Variants in ERICH2 observed in about 807,000 individuals in gnomAD.
ERICH2 encodes glutamate-rich protein 2.
ERICH2 carries 17 observed loss-of-function variants against 17.4 expected under a neutral mutation model. The observed-to-expected ratio is 0.98, with a 90% CI of 0.67 to 1.47. ERICH2 has a LOEUF of 1.47. Among genes scored for constraint, ERICH2 ranks in the 40% most tolerant of loss-of-function variants. The pLI is 0.00. For missense variants in ERICH2, 186 were observed against 183.2 expected, an observed-to-expected ratio of 1.01 and a Z score of -0.09; for synonymous variants, 51 against 61.1, an observed-to-expected ratio of 0.83 and a Z score of 0.77.
intron 2 of ERICH2, among the ~76,000 whole-genome samples, chr2:170,787,979 A>G (rs139823520): frequency 0.013 from 2,036 of 152,356 alleles, 55 homozygotes; most frequent in African/African-American, 0.043. Context: ...CTATTACTCC[A>G]TCAGGGCCGA....
chr2:170,778,570 G>A, the ERICH2 span, among the ~76,000 whole-genome samples: 1 of 152,034 alleles, frequency 6.6e-6, no homozygotes, highest in South Asian at 2.1e-4. Context: ...TAAAGAGAAA[G>A]TAATGTATAG....
intron 1 of ERICH2, among the ~76,000 whole-genome samples, chr2:170,784,361 T>G (rs1701099963): frequency 6.6e-6 from 1 of 152,296 alleles, no homozygotes; most frequent in African/African-American, 2.4e-5. Flanking sequence ...CCAGACCGAC[T>G]CACAGATCTA....
At chr2:170,779,627 A>G (rs1489173380), upstream of ERICH2, among the ~76,000 whole-genome samples, 1 of 152,166 alleles carries the variant, frequency 6.6e-6, no homozygotes, top group East Asian at 1.9e-4. Context: ...GCTTTCAAGC[A>G]TAAAGATTGA....
At chr2:170,792,773 A>G (rs1264875588) in intron 2 of ERICH2, 90 bp from the exon 8 acceptor site, 2 of 800,386 alleles carry the variant, frequency 2.5e-6, no homozygotes, top group Non-Finnish European at 3.9e-6. Context: ...GTTAAAAGCA[A>G]AATAACTAAT....
the ERICH2 span, chr2:170,777,490 CTA>C: frequency 2.6e-6 from 3 of 1,132,462 alleles, no homozygotes; most frequent in South Asian, 9.3e-5. Context: ...AGTAAGAAGA[CTA>C]TTGGAATCTT....
At chr2:170,783,806 T>C (rs1222062564) in exon 1 of ERICH2, 2 of 1,550,308 alleles carry the variant, frequency 1.3e-6, no homozygotes, top group Non-Finnish European at 1.7e-6. Flanking sequence ...ACAGGCTAGG[T>C]GCACACTGGA....
exon 1 of ERICH2, chr2:170,783,820 T>A: frequency 6.4e-7 from 1 of 1,550,434 alleles, no homozygotes; most frequent in Admixed American, 2.0e-5. Context: ...CACTGGACAG[T>A]CAGGGTGGTT....
chr2:170,786,400 C>T (rs1701161309), intron 2 of ERICH2, among the ~76,000 whole-genome samples: 1 of 151,798 alleles, frequency 6.6e-6, no homozygotes, highest in Non-Finnish European at 1.5e-5. Context: ...TATCTTTATT[C>T]ATCTGTATAT....
chr2:170,775,137 C>CTAAAATA, the ERICH2 span, among the ~76,000 whole-genome samples: 3 of 151,712 alleles, frequency 2.0e-5, no homozygotes, highest in Non-Finnish European at 2.9e-5. Context: ...GAGGACTGCT[C>CTAAAATA]TAAAGGTGGG....
chr2:170,792,951 T>A, intron 3 of ERICH2, 31 bp downstream of exon 8: 1 of 1,334,598 alleles, frequency 7.5e-7, no homozygotes, highest in Non-Finnish European at 1.0e-6. Flanking sequence ...TATTTTCTAA[T>A]CTTCTCTTTG....
rs1701327436 is a variant in ERICH2, at chr2:170,792,996, CT to C, written c.274+78del. ...ATGAATTCCGTAATATATAAAATGG[CT>C]TGATTATCATAGGTCTAGTGAATTC... On this transcript the variant is annotated intron_variant, in intron 3 of 4. Transcript: ENST00000409885. The C allele has an allele frequency of 3.5e-6, 3 of 864,188 alleles. No homozygotes were observed. In the South Asian group the frequency reaches 6.1e-5, roughly 18 times the overall value. 53.5% of individuals were successfully genotyped at this position (864,188 alleles called of 1,614,324 possible).
upstream of ERICH2, chr2:170,783,695 A>G (rs1407609314): frequency 2.5e-6 from 3 of 1,223,404 alleles, no homozygotes; most frequent in East Asian, 7.7e-5. Flanking sequence ...CATGCTGCTA[A>G]CTGTTTGTGA....
upstream of ERICH2, among the ~76,000 whole-genome samples, chr2:170,781,204 GA>G (rs1018872864): frequency 7.2e-5 from 11 of 151,872 alleles, no homozygotes; most frequent in Admixed American, 2.6e-4. Context: ...TTCCATGAGG[GA>G]AAAAAACAGA....
chr2:170,797,382 T>C (rs1559257725), intron 3 of ERICH2, among the ~76,000 whole-genome samples: 1 of 152,232 alleles, frequency 6.6e-6, no homozygotes, highest in Non-Finnish European at 1.5e-5. Flanking sequence ...AAAGTCTCCA[T>C]ATTTTGCAGA....
intron 3 of ERICH2, among the ~76,000 whole-genome samples, chr2:170,796,440 G>GGTTTT (rs1553569093): frequency 2.6e-4 from 22 of 83,450 alleles, no homozygotes; most frequent in African/African-American, 7.8e-4. Context: ...TTTTTTTTTT[G>GGTTTT]TTTTTTTTTT....
the ERICH2 span, chr2:170,770,610 T>A: frequency 6.4e-6 from 1 of 155,194 alleles, no homozygotes; most frequent in African/African-American, 2.4e-5. Context: ...ACTCAAGACT[T>A]CTTTTTACTC....
At chr2:170,786,159 T>A (rs530105932) in intron 2 of ERICH2, among the ~76,000 whole-genome samples, 1 of 152,184 alleles carries the variant, frequency 6.6e-6, no homozygotes, top group Non-Finnish European at 1.5e-5. Flanking sequence ...CTACCTGATA[T>A]CACTTTTCCT....
chr2:170,773,010 TTTTG>T, the ERICH2 span, among the ~76,000 whole-genome samples: 1 of 152,210 alleles, frequency 6.6e-6, no homozygotes, highest in African/African-American at 2.4e-5. Context: ...TAAAAGGTGT[TTTTG>T]TTTTTTTGTT....
chr2:170,795,032 AG>A (rs1462009188), intron 3 of ERICH2, among the ~76,000 whole-genome samples: 1 of 152,202 alleles, frequency 6.6e-6, no homozygotes, highest in East Asian at 1.9e-4. Context: ...CCCAGGCTGG[AG>A]TGCAGTGGCA....
Sources: allele counts gnomAD v4.1 joint callset (sites outside exome capture counted in the v4.1 genomes callset), GRCh38; gene constraint gnomAD v4.1.1; transcripts MANE v1.5; gene names NCBI Gene and HGNC (gene_info 2026-07-23, HGNC 2026-07-21).